The following NUCB2 variants were observed in gnomAD, a reference collection of about 807,000 sequenced individuals.
NUCB2 encodes the protein nucleobindin 2.
In NUCB2, 48 loss-of-function variants were observed where a neutral mutation model predicts 57.9. The ratio of observed to expected loss-of-function variants is 0.83; its 90% CI spans 0.66 to 1.05. The LOEUF (loss-of-function observed/expected upper bound fraction) is 1.05, where lower values mean the gene tolerates loss of function less well. Among genes scored for constraint, NUCB2 ranks in the 50% least tolerant of loss-of-function variants. NUCB2 has a pLI of 0.00. For missense variants in NUCB2, 442 were observed against 476.2 expected, an observed-to-expected ratio of 0.93 and a Z score of 0.67; for synonymous variants, 139 against 152.1, an observed-to-expected ratio of 0.91 and a Z score of 0.64.
intron 1 of NUCB2, among the ~76,000 whole-genome samples, chr11:17,277,903 C>T (rs1208998775): frequency 6.6e-6 from 1 of 152,068 alleles, no homozygotes; most frequent in Non-Finnish European, 1.5e-5. Context: ...AACAAATCTT[C>T]TTCAGCTAAT....
chr11:17,294,322 G>T (rs1000156132), intron 2 of NUCB2, among the ~76,000 whole-genome samples: 11 of 152,278 alleles, frequency 7.2e-5, no homozygotes, highest in African/African-American at 2.6e-4. Context: ...TACAGCCTGA[G>T]AATTTGCATT....
chr11:17,313,682 C>G (rs988283409), intron 10 of NUCB2, among the ~76,000 whole-genome samples: 1 of 152,166 alleles, frequency 6.6e-6, no homozygotes, highest in African/African-American at 2.4e-5. Context: ...TTAATCTGTG[C>G]TGATACAGTT....
In NUCB2 at chr11:17,288,963, ATT is replaced by A. The variant is rs1555071216; in HGVS notation, c.-1+6031_-1+6032del. 8.4e-4 allele frequency among the ~76,000 whole-genome samples: 57 copies of A among 68,096 alleles called. 6 individuals are homozygous for A. The highest frequency in any genetic ancestry group is 1.2e-3 in the African/African-American group (17 of 14,500). The allele number at this position is 68,096 out of a possible 152,430, so 44.7% of individuals were successfully genotyped here. ...CACACACACACACATATATATATAT[ATT>A]TTTTTTTTTTGAGATGGAGTTTTGC... is the stretch of plus-strand genomic sequence containing the variant. On this transcript the variant is annotated intron_variant, in intron 2 of 13. Coordinates refer to ENST00000529010, the MANE Select transcript of NUCB2 (RefSeq NM_005013.4).
In NUCB2 at chr11:17,330,136, C is replaced by A; in HGVS notation, c.1012C>A (p.Gln338Lys). 6.8e-7 allele frequency: 1 copy of A among 1,473,518 alleles called. No homozygotes were observed. Among genetic ancestry groups the A allele is most frequent in the South Asian group, 1.3e-5 (1 of 79,862 alleles). 91.3% of individuals were successfully genotyped at this position (1,473,518 alleles called of 1,614,324 possible). ...LEPDSWETLD[Q>K]QQFFTEEELK... is the part of the protein sequence containing the mutation. ...ATTTTTTTTCTTTTAGACATTAGAT[C>A]AGCAACAGTTCTTCACAGAGGAAGA... Residue 338 changes from glutamine to lysine, a missense_variant, in exon 12 of 14, where the codon CAG (glutamine) becomes AAG (lysine). By Grantham distance (53) the Gln-to-Lys change is moderately conservative. Transcript: ENST00000529010. This position sits in a 1 kb window ranked among gnomAD's most constrained non-coding sequence, Gnocchi z 4.3.
At chr11:17,288,568 T>TTTTTTTTTTTTTA (rs1944231994) in intron 2 of NUCB2, among the ~76,000 whole-genome samples, 1 of 147,094 alleles carries the variant, frequency 6.8e-6, no homozygotes, top group South Asian at 2.2e-4. Context: ...TTTTTTTTTT[T>TTTTTTTTTTTTTA]GAGACAGTCT....
chr11:17,280,671 T>C (rs890812488), intron 1 of NUCB2, among the ~76,000 whole-genome samples: 5 of 152,236 alleles, frequency 3.3e-5, no homozygotes, highest in Non-Finnish European at 5.9e-5. Context: ...GATGCATTGC[T>C]TTCATTGGTC....
At chr11:17,312,594 G>C (rs759215790) in intron 10 of NUCB2, among the ~76,000 whole-genome samples, 10 of 151,934 alleles carry the variant, frequency 6.6e-5, no homozygotes, top group Non-Finnish European at 1.2e-4. Context: ...GTAGAGACAG[G>C]GTTTCAGCAT....
chr11:17,277,934 T>C (rs984793407), intron 1 of NUCB2, among the ~76,000 whole-genome samples: 1 of 152,214 alleles, frequency 6.6e-6, no homozygotes, highest in African/African-American at 2.4e-5. Flanking sequence ...ATTAAAATTC[T>C]GGAAATTTAG....
At chr11:17,303,624 C>T (rs997056601) in intron 5 of NUCB2, among the ~76,000 whole-genome samples, 4 of 152,156 alleles carry the variant, frequency 2.6e-5, no homozygotes, top group Non-Finnish European at 5.9e-5. Context: ...ATGGCTCACG[C>T]CTGTAATCCC....
intron 4 of NUCB2, 80 bp from the exon 5 acceptor site, chr11:17,301,664 G>A (rs1591365126): frequency 2.1e-6 from 2 of 975,250 alleles, no homozygotes; most frequent in South Asian, 1.4e-5. Context: ...CTAATGTATT[G>A]TAACCCTGTT....
intron 2 of NUCB2, among the ~76,000 whole-genome samples, chr11:17,345,750 G>A (rs749026548): frequency 6.6e-5 from 10 of 152,028 alleles, no homozygotes; most frequent in African/African-American, 4.8e-5. Context: ...GGCTGAAAAC[G>A]TTATTTTTAA....
At chr11:17,279,827 C>T (rs988761831) in intron 1 of NUCB2, among the ~76,000 whole-genome samples, 6 of 144,812 alleles carry the variant, frequency 4.1e-5, no homozygotes, top group East Asian at 2.1e-4. Flanking sequence ...ACTCTGTTGC[C>T]CAGGCTGACT....
intron 5 of NUCB2, among the ~76,000 whole-genome samples, chr11:17,307,249 T>C (rs1030944581): frequency 6.6e-6 from 1 of 151,962 alleles, no homozygotes; most frequent in African/African-American, 2.4e-5. Context: ...AAAATCTACC[T>C]GATATTTTTG....
chr11:17,304,826 A>G (rs1947351206), intron 5 of NUCB2, among the ~76,000 whole-genome samples: 1 of 152,232 alleles, frequency 6.6e-6, no homozygotes, highest in South Asian at 2.1e-4. Context: ...CTGACAGACA[A>G]AAACTTTAAA....
rs1181443190 is a variant in NUCB2, at chr11:17,315,436, C to A, written c.963C>A (p.Ala321=). 1 of 1,610,906 alleles carries A rather than the reference C, an allele frequency of 6.2e-7. No homozygotes were observed. The highest frequency in any genetic ancestry group is 8.5e-7 in the Non-Finnish European group (1 of 1,178,084). Residue 321 remains alanine, a synonymous_variant, in exon 11 of 14, where the codon GCC becomes GCA. Transcript: ENST00000529010. ...RLVTLEEFLK[A]TEKKEFLEPD... ...TGACTCTGGAGGAGTTTTTGAAAGCCACAGAAAAAAAAGAATTCTTGGAGC... is the reference window on the plus strand; with the variant it reads ...TGACTCTGGAGGAGTTTTTGAAAGCAACAGAAAAAAAAGAATTCTTGGAGC...
intron 2 of NUCB2, among the ~76,000 whole-genome samples, chr11:17,348,337 T>G (rs868864039): frequency 1.7e-3 from 225 of 130,360 alleles, no homozygotes; most frequent in Middle Eastern, 7.3e-3. Context: ...TTTTTTTTTT[T>G]TTTTTTTTTT....
intron 2 of NUCB2, among the ~76,000 whole-genome samples, chr11:17,342,913 T>A (rs1180815546): frequency 3.9e-5 from 6 of 152,144 alleles, no homozygotes; most frequent in Non-Finnish European, 8.8e-5. Flanking sequence ...GACAGTGGGG[T>A]GTTAAATTCT....
intron 2 of NUCB2, among the ~76,000 whole-genome samples, chr11:17,344,682 T>C (rs1185890819): frequency 2.0e-5 from 3 of 152,368 alleles, no homozygotes; most frequent in South Asian, 4.1e-4. Flanking sequence ...AAGCCTTTTG[T>C]ATTACTAATT....
intron 11 of NUCB2, among the ~76,000 whole-genome samples, chr11:17,317,953 C>T (rs1949482249): frequency 6.8e-6 from 1 of 146,616 alleles, no homozygotes; most frequent in Non-Finnish European, 1.5e-5. Flanking sequence ...GTGTGAGCCA[C>T]TGTGCCTGGA....
Sources: gnomAD v4.1 joint callset for allele counts (sites outside exome capture counted in the v4.1 genomes callset) on GRCh38, gnomAD v4.1.1 for gene constraint, Gnocchi (gnomAD v3.1) non-coding constraint, MANE v1.5 for transcripts, NCBI Gene and HGNC (gene_info 2026-07-23, HGNC 2026-07-21) for gene names.